The following ZNF804A variants were observed in gnomAD, a reference collection of about 807,000 sequenced individuals.
ZNF804A encodes zinc finger protein 804A.
Under a neutral mutation model 16.5 loss-of-function variants are expected in ZNF804A, and 2 were observed. That is an observed-to-expected ratio of 0.12 (90% CI 0.05 to 0.38). The LOEUF (loss-of-function observed/expected upper bound fraction) is 0.38. ZNF804A is among the 10% of genes least tolerant of loss of function. ZNF804A has a pLI of 0.99. For synonymous variants in ZNF804A, 534 were observed against 489.6 expected, an observed-to-expected ratio of 1.09 and a Z score of -1.20; for missense variants, 1,473 against 1,390.7, an observed-to-expected ratio of 1.06 and a Z score of -0.94.
chr2:184,914,256 CA>C (rs1050681010), intron 2 of ZNF804A, among the ~76,000 whole-genome samples: 14 of 152,254 alleles, frequency 9.2e-5, no homozygotes, highest in African/African-American at 3.4e-4. Context: ...TGCATTCCCA[CA>C]GTAATTCTAG....
chr2:184,684,335 G>C (rs539449574), intron 1 of ZNF804A, among the ~76,000 whole-genome samples: 52 of 152,250 alleles, frequency 3.4e-4, no homozygotes, highest in African/African-American at 1.2e-3. Flanking sequence ...TTGTGTTTAT[G>C]TAAATGAATA....
chr2:184,608,123 T>A (rs550237374), intron 1 of ZNF804A, among the ~76,000 whole-genome samples: 22 of 151,236 alleles, frequency 1.5e-4, no homozygotes, highest in Admixed American at 3.9e-4. Flanking sequence ...TTTTTTGTAT[T>A]TTTAGTAGAG....
intron 1 of ZNF804A, among the ~76,000 whole-genome samples, chr2:184,845,134 G>C (rs868000918): frequency 5.3e-5 from 8 of 151,730 alleles, no homozygotes; most frequent in Middle Eastern, 3.4e-3. Context: ...TTTTCCTTTA[G>C]AAAACTTAAC....
intron 1 of ZNF804A, among the ~76,000 whole-genome samples, chr2:184,629,810 G>A (rs1323659533): frequency 6.6e-6 from 1 of 152,064 alleles, no homozygotes; most frequent in Non-Finnish European, 1.5e-5. Flanking sequence ...ATGTTCTAGT[G>A]GGCAGAGAAA....
chr2:184,924,750 T>G (rs1489843839), intron 2 of ZNF804A, among the ~76,000 whole-genome samples: 1 of 151,914 alleles, frequency 6.6e-6, no homozygotes, highest in Non-Finnish European at 1.5e-5. Flanking sequence ...TCCGTTATCA[T>G]TTGATTAAAG....
intron 1 of ZNF804A, among the ~76,000 whole-genome samples, chr2:184,829,081 T>C (rs1198132138): frequency 6.6e-6 from 1 of 151,712 alleles, no homozygotes; most frequent in Non-Finnish European, 1.5e-5. Flanking sequence ...TATAAATGCA[T>C]TTACTATGTA....
At chr2:184,893,955 G>T (rs1574259971) in intron 2 of ZNF804A, among the ~76,000 whole-genome samples, 1 of 152,248 alleles carries the variant, frequency 6.6e-6, no homozygotes, top group South Asian at 2.1e-4. Context: ...AGTAGATTCA[G>T]AATGCCTAGC....
At chr2:184,693,772 T>G (rs1692772791) in intron 1 of ZNF804A, among the ~76,000 whole-genome samples, 1 of 152,180 alleles carries the variant, frequency 6.6e-6, no homozygotes, top group Non-Finnish European at 1.5e-5. Flanking sequence ...CCTTTTTATC[T>G]TCCTGGATTT....
intron 1 of ZNF804A, among the ~76,000 whole-genome samples, chr2:184,647,710 T>C (rs1417605942): frequency 6.6e-6 from 1 of 152,120 alleles, no homozygotes; most frequent in African/African-American, 2.4e-5. Context: ...TTAAAAAGAA[T>C]AAATTCTTCA....
chr2:184,645,795 A>G (rs1391773436), intron 1 of ZNF804A, among the ~76,000 whole-genome samples: 1 of 152,214 alleles, frequency 6.6e-6, no homozygotes, highest in African/African-American at 2.4e-5. Flanking sequence ...ATGGAAATGC[A>G]CCAGAATTGT....
chr2:184,708,516 T>C (rs1693070671), intron 1 of ZNF804A, among the ~76,000 whole-genome samples: 1 of 151,968 alleles, frequency 6.6e-6, no homozygotes, highest in South Asian at 2.1e-4. Flanking sequence ...CTTCTGATCT[T>C]CAACAGAGTC....
At chr2:184,721,705 G>A (rs1693319068) in intron 1 of ZNF804A, among the ~76,000 whole-genome samples, 1 of 152,010 alleles carries the variant, frequency 6.6e-6, no homozygotes, top group Non-Finnish European at 1.5e-5. Flanking sequence ...AGCTACAAAT[G>A]GAACGACTGT....
chr2:184,936,743 G>C lies in ZNF804A; in HGVS notation c.1347G>C (p.Thr449=). 1 of 1,613,748 alleles carries C rather than the reference G, an allele frequency of 6.2e-7. No individual in the cohort carries two copies. Among genetic ancestry groups the C allele is most frequent in the African/African-American group, 1.3e-5 (1 of 74,986 alleles). The change falls in exon 4 of 4, where the codon ACG becomes ACC. Residue 449 remains threonine, a synonymous_variant. Transcript: ENST00000302277. The part of the protein sequence containing the change: ...WPSEMLVYTT[T]KPSISYSCNP... ...CAGAAATGCTGGTTTATACAACTAC[G>C]AAACCATCAATTTCCTATAGCTGTA...
chr2:184,770,007 G>A (rs564293685), intron 1 of ZNF804A, among the ~76,000 whole-genome samples: 7 of 151,808 alleles, frequency 4.6e-5, no homozygotes, highest in South Asian at 2.1e-4. Context: ...TTTGAGTTTC[G>A]AAGAAAGATT....
intron 1 of ZNF804A, among the ~76,000 whole-genome samples, chr2:184,627,051 T>G (rs1444611255): frequency 6.6e-6 from 1 of 152,130 alleles, no homozygotes. Flanking sequence ...TCAACTACAA[T>G]GAATAAATAC....
Position 184,936,958 on chromosome 2 carries a change from G to T in ZNF804A, c.1562G>T (p.Ser521Ile), listed in dbSNP as rs1294495014. Residue 521 changes from serine (S) to isoleucine (I), a missense_variant, in exon 4 of 4, where the codon AGC becomes ATC. Ser to Ile is a moderately radical substitution (Grantham distance 142). Transcript: ENST00000302277. ...YEIGSSKNKCSQVTPLLADDI... is the reference protein window; with the variant it reads ...YEIGSSKNKCIQVTPLLADDI... The stretch of plus-strand genomic sequence containing the variant: ...ATTGGAAGTAGCAAAAATAAATGCA[G>T]CCAAGTCACTCCTCTTTTGGCTGAT... 6.2e-7 allele frequency: 1 copy of T among 1,613,946 alleles called. No homozygotes were observed.
chr2:184,745,013 A>G (rs1195933407), intron 1 of ZNF804A, among the ~76,000 whole-genome samples: 3 of 151,790 alleles, frequency 2.0e-5, no homozygotes, highest in Non-Finnish European at 4.4e-5. Context: ...AGTTGTTCAC[A>G]TATCTATTCA....
chr2:184,752,684 G>C (rs79603724), intron 1 of ZNF804A, among the ~76,000 whole-genome samples: 1 of 151,474 alleles, frequency 6.6e-6, no homozygotes, highest in African/African-American at 2.4e-5. Context: ...TTGCAAATCA[G>C]AGCTGATAAT....
At position 184,903,170 on chromosome 2, in the gene ZNF804A, A is replaced by G. The variant is rs146201345; in HGVS notation, c.256-30433A>G. ...CTTTCTATTTTTCTTATTCTCCACTATCCCCCAACAATTCCTGTGTGTGAT... is the reference window on the plus strand; with the variant it reads ...CTTTCTATTTTTCTTATTCTCCACTGTCCCCCAACAATTCCTGTGTGTGAT... On this transcript the variant is annotated intron_variant, in intron 2 of 3. Coordinates refer to ENST00000302277, the MANE Select transcript of ZNF804A (RefSeq NM_194250.2). Among the ~76,000 whole-genome samples the G allele has an allele frequency of 3.0e-3, 454 of 152,186 alleles. 2 individuals carry two copies. Among genetic ancestry groups the G allele is most frequent in the Non-Finnish European group, 5.0e-3 (338 of 68,004 alleles).
Sources: gnomAD v4.1 joint callset for allele counts (sites outside exome capture counted in the v4.1 genomes callset) on GRCh38, gnomAD v4.1.1 for gene constraint, MANE v1.5 for transcripts, NCBI Gene and HGNC (gene_info 2026-07-23, HGNC 2026-07-21) for gene names.